The following GRIK1 variants were observed in gnomAD, a reference collection of about 807,000 sequenced individuals.
GRIK1 encodes glutamate ionotropic receptor kainate type subunit 1.
In GRIK1, 69 loss-of-function variants were observed where a neutral mutation model predicts 105.7. That is an observed-to-expected ratio of 0.65 (90% CI 0.54 to 0.80). The LOEUF is 0.80. GRIK1 is among the 30% of genes least tolerant of loss of function. The pLI, the probability that GRIK1 is intolerant of heterozygous loss-of-function variation, is 0.00. For missense variants in GRIK1, 1,109 were observed against 1,167.3 expected (o/e 0.95, Z 0.73); for synonymous variants, 438 against 431.3 (o/e 1.02, Z -0.19).
intron 1 of GRIK1, among the ~76,000 whole-genome samples, chr21:29,838,479 A>G (rs1300986008): frequency 6.6e-6 from 1 of 152,134 alleles, no homozygotes; most frequent in African/African-American, 2.4e-5. Flanking sequence ...ATGGATTAAG[A>G]AGTTGTAAGT....
chr21:29,577,295 G>A, intron 13 of GRIK1, 114 bp from the exon 14 acceptor site: 1 of 603,652 alleles, frequency 1.7e-6, no homozygotes, highest in Non-Finnish European at 3.0e-6. Flanking sequence ...CCGTCTTGTA[G>A]GTAGATGAAA....
At chr21:29,560,342 TC>T (rs1568813057) in intron 15 of GRIK1, among the ~76,000 whole-genome samples, 9 of 115,980 alleles carry the variant, frequency 7.8e-5, no homozygotes, top group Admixed American at 2.7e-4. Context: ...TTTCTTTCTT[TC>T]TTTCTTTCTT....
At chr21:29,649,253 C>T (rs1213348781) in intron 6 of GRIK1, among the ~76,000 whole-genome samples, 3 of 152,188 alleles carry the variant, frequency 2.0e-5, no homozygotes, top group Non-Finnish European at 4.4e-5. Flanking sequence ...ACAACTCATA[C>T]TGGGGCCTGC....
chr21:29,837,665 A>G (rs111506825), intron 1 of GRIK1, among the ~76,000 whole-genome samples: 2,674 of 152,322 alleles, frequency 0.018, 82 homozygotes, highest in African/African-American at 0.062. Context: ...ATATTTTAGA[A>G]TATATGAAGA....
chr21:29,776,430 GA>G (rs2065945159), intron 1 of GRIK1, among the ~76,000 whole-genome samples: 1 of 152,192 alleles, frequency 6.6e-6, no homozygotes, highest in Non-Finnish European at 1.5e-5. Context: ...ATAAAGTTAA[GA>G]TATACAATGA....
In GRIK1 at chr21:29,766,063, T is replaced by A. The variant is rs148824553; in HGVS notation, c.119-72000A>T. Among the ~76,000 whole-genome samples, 1,026 of 152,092 alleles carry A rather than the reference T, an allele frequency of 6.7e-3. 8 individuals carry two copies. Among genetic ancestry groups the A allele is most frequent in the East Asian group, 0.014 (73 of 5,164 alleles). On this transcript the variant is annotated intron_variant, in intron 1 of 17. Coordinates refer to ENST00000327783, the MANE Select transcript of GRIK1 (RefSeq NM_001330994.2). ...AGACGGTTTTACCGTGTTGGCCAGG[T>A]TGGTCTCGATCTCCTGACTTCGTGA...
chr21:29,639,987 A>G (rs989927713), intron 7 of GRIK1, among the ~76,000 whole-genome samples: 6 of 152,172 alleles, frequency 3.9e-5, no homozygotes, highest in African/African-American at 1.4e-4. Flanking sequence ...CTGATTCCCA[A>G]CAGTGTGTGG....
At chr21:29,671,345 G>A (rs912533910) in intron 4 of GRIK1, among the ~76,000 whole-genome samples, 11 of 151,028 alleles carry the variant, frequency 7.3e-5, no homozygotes, top group African/African-American at 1.7e-4. Context: ...GGCTGGTCTC[G>A]AACTCCTGAC....
chr21:29,894,068 T>C (rs2070012600), intron 1 of GRIK1, among the ~76,000 whole-genome samples: 1 of 152,070 alleles, frequency 6.6e-6, no homozygotes, highest in Non-Finnish European at 1.5e-5. Flanking sequence ...TGAGGAATAG[T>C]GAGAGGTAGG....
chr21:29,632,512 TACACACACAC>T (rs5843396), intron 7 of GRIK1, among the ~76,000 whole-genome samples: 38,704 of 149,868 alleles, frequency 0.26, 4,941 homozygotes, highest in Non-Finnish European at 0.28. Flanking sequence ...CAGACACAAA[TACACACACAC>T]ACACACACAC....
At chr21:29,676,668 G>A (rs2063273746) in intron 3 of GRIK1, among the ~76,000 whole-genome samples, 3 of 152,142 alleles carry the variant, frequency 2.0e-5, no homozygotes, top group Middle Eastern at 6.8e-3. Flanking sequence ...TGCTGATAAC[G>A]TGAATTTTTT....
At chr21:29,852,632 A>C (rs2068343176) in intron 1 of GRIK1, among the ~76,000 whole-genome samples, 1 of 152,240 alleles carries the variant, frequency 6.6e-6, no homozygotes, top group South Asian at 2.1e-4. Context: ...AGGAACAGCC[A>C]CATAAATATG....
At position 29,779,211 on chromosome 21, in the gene GRIK1, T is replaced by G. The variant is rs79258641; in HGVS notation, c.119-85148A>C. ...TAATCCCCAAAGCGACAACCATTTTTGTACTTTATCCTCAGAAAAATATGT... is the reference window on the plus strand; with the variant it reads ...TAATCCCCAAAGCGACAACCATTTTGGTACTTTATCCTCAGAAAAATATGT... On this transcript the variant is annotated intron_variant, in intron 1 of 17. Coordinates refer to ENST00000327783, the MANE Select transcript of GRIK1 (RefSeq NM_001330994.2). 2.6e-3 allele frequency among the ~76,000 whole-genome samples: 403 copies of G among 152,378 alleles called. 1 individual carries two copies. Among genetic ancestry groups the G allele is most frequent in the African/African-American group, 9.5e-3 (394 of 41,604 alleles).
intron 1 of GRIK1, among the ~76,000 whole-genome samples, chr21:29,731,255 A>G (rs1046682848): frequency 6.6e-6 from 1 of 152,160 alleles, no homozygotes; most frequent in Admixed American, 6.6e-5. Context: ...TTCTTGAAAC[A>G]CTCTCATAAT....
intron 1 of GRIK1, among the ~76,000 whole-genome samples, chr21:29,702,595 C>T (rs1317537398): frequency 3.3e-5 from 5 of 152,148 alleles, no homozygotes; most frequent in Non-Finnish European, 7.4e-5. Flanking sequence ...CCTGTAATCC[C>T]AGCCACTCAG....
chr21:29,890,324 T>A (rs1460641736), intron 1 of GRIK1, among the ~76,000 whole-genome samples: 1 of 152,184 alleles, frequency 6.6e-6, no homozygotes, highest in Non-Finnish European at 1.5e-5. Context: ...AAATCAATTT[T>A]TCACTTACTT....
At chr21:29,623,766 G>C (rs1171011319) in intron 7 of GRIK1, among the ~76,000 whole-genome samples, 1 of 152,202 alleles carries the variant, frequency 6.6e-6, no homozygotes, top group East Asian at 1.9e-4. Flanking sequence ...CTGGTATAAT[G>C]TAGTAGGTGT....
chr21:29,844,658 C>T (rs1281278485), intron 1 of GRIK1, among the ~76,000 whole-genome samples: 1 of 152,208 alleles, frequency 6.6e-6, no homozygotes, highest in Non-Finnish European at 1.5e-5. Context: ...TATTCCTGGA[C>T]TCCTCACTCC....
chr21:29,916,587 A>C lies in GRIK1; in HGVS notation c.118+22796T>G, dbSNP rs151166327. ...AGGGAAAGAAAGATAATAATCGATA[A>C]TAAAAGAGTCTATTTAATAAAAACA... is the stretch of plus-strand genomic sequence containing the variant. On this transcript the variant is annotated intron_variant, in intron 1 of 17. Transcript: ENST00000327783. 3.3e-5 allele frequency among the ~76,000 whole-genome samples: 5 copies of C among 151,820 alleles called. No individual in the cohort carries two copies. The East Asian group carries it at 9.6e-4, about 29-fold the overall frequency.
Sources: allele counts gnomAD v4.1 joint callset (sites outside exome capture counted in the v4.1 genomes callset), GRCh38; gene constraint gnomAD v4.1.1; transcripts MANE v1.5; gene names NCBI Gene and HGNC (gene_info 2026-07-23, HGNC 2026-07-21).